BTBD9: variants seen among roughly 807,000 people sequenced by gnomAD.
BTBD9 encodes BTB domain containing 9, also known as BTB/POZ domain-containing protein 9.
In BTBD9, 49 loss-of-function variants were observed where a neutral mutation model predicts 64.3. That is an observed-to-expected ratio of 0.76 (90% CI 0.61 to 0.97). The LOEUF is 0.97. BTBD9 is among the 50% of genes least tolerant of loss of function. BTBD9 has a pLI of 0.00. For missense variants in BTBD9, 598 were observed against 762.1 expected, an observed-to-expected ratio of 0.78 and a Z score of 2.53; for synonymous variants, 260 against 274.7, an observed-to-expected ratio of 0.95 and a Z score of 0.53.
chr6:38,224,643 T>C (rs957359224), intron 9 of BTBD9, among the ~76,000 whole-genome samples: 3 of 152,306 alleles, frequency 2.0e-5, no homozygotes, highest in East Asian at 3.9e-4. Flanking sequence ...AAAAAACTTG[T>C]GTAAGACCAA....
chr6:38,368,562 T>C (rs990266764), intron 6 of BTBD9, among the ~76,000 whole-genome samples: 5 of 152,126 alleles, frequency 3.3e-5, no homozygotes, highest in Admixed American at 2.0e-4. Flanking sequence ...CTCAAACTCC[T>C]GACCTCATGA....
At chr6:38,262,074 T>C (rs1289249617) in intron 8 of BTBD9, among the ~76,000 whole-genome samples, 2 of 152,238 alleles carry the variant, frequency 1.3e-5, no homozygotes, top group African/African-American at 4.8e-5. Context: ...GCTCTACCAA[T>C]TCCCTTCACT....
intron 7 of BTBD9, among the ~76,000 whole-genome samples, chr6:38,329,075 C>A (rs1763572866): frequency 6.7e-6 from 1 of 148,238 alleles, no homozygotes; most frequent in African/African-American, 2.5e-5. Context: ...ATTTTATATT[C>A]TATTATGGTT....
chr6:38,495,847 A>G (rs1381613394), intron 6 of BTBD9, among the ~76,000 whole-genome samples: 28 of 152,196 alleles, frequency 1.8e-4, no homozygotes, highest in Admixed American at 1.8e-3. Context: ...ATGCTCATGA[A>G]TAAGAATGTC....
At chr6:38,281,149 A>G (rs1483609119) in intron 8 of BTBD9, among the ~76,000 whole-genome samples, 1 of 152,184 alleles carries the variant, frequency 6.6e-6, no homozygotes, top group Admixed American at 6.5e-5. Flanking sequence ...ATTAAGTAGG[A>G]AAAAAATGGC....
At chr6:38,491,658 T>A (rs1340828434) in intron 6 of BTBD9, among the ~76,000 whole-genome samples, 1 of 152,036 alleles carries the variant, frequency 6.6e-6, no homozygotes, top group Non-Finnish European at 1.5e-5. Context: ...CTTTAAAAAA[T>A]TAGCCTATTA....
intron 6 of BTBD9, among the ~76,000 whole-genome samples, chr6:38,531,371 T>C (rs1562304485): frequency 6.6e-6 from 1 of 151,972 alleles, no homozygotes; most frequent in Non-Finnish European, 1.5e-5. Context: ...GAAGGAGAAA[T>C]AAAGACATTC....
At chr6:38,248,257 C>A (rs1204805564) in intron 9 of BTBD9, among the ~76,000 whole-genome samples, 1 of 152,114 alleles carries the variant, frequency 6.6e-6, no homozygotes, top group African/African-American at 2.4e-5. Context: ...GATGATAAAT[C>A]TGGCAGGAAA....
chr6:38,453,106 G>A (rs959735749), intron 6 of BTBD9, among the ~76,000 whole-genome samples: 9 of 152,128 alleles, frequency 5.9e-5, no homozygotes, highest in Non-Finnish European at 1.3e-4. Flanking sequence ...ACAGACAATA[G>A]TTTGAGTGAA....
chr6:38,433,914 G>A (rs187206813), intron 6 of BTBD9, among the ~76,000 whole-genome samples: 4 of 151,950 alleles, frequency 2.6e-5, no homozygotes, highest in South Asian at 2.1e-4. Context: ...GCACTCAATC[G>A]CTATTTGCTG....
Position 38,192,561 on chromosome 6 carries a change from G to A in BTBD9, c.1599C>T (p.Ala533=), listed in dbSNP as rs1721457481. ...GTGTCCCAACGATACGGATGAAGGA[G>A]GCAGGCTGCCTTTCAAAAGTTACTG... ...WQSVTFERQP[A]SFIRIVGTHN... is the part of the protein sequence containing the mutation. Residue 533 remains alanine (A), a synonymous_variant, in exon 10 of 11, where the codon GCC becomes GCT. Coordinates refer to ENST00000481247, the MANE Select transcript of BTBD9 (RefSeq NM_001099272.2). 19 of 1,613,974 alleles carry A rather than the reference G, an allele frequency of 1.2e-5. No individual in the cohort carries two copies. The highest frequency in any genetic ancestry group is 6.7e-5 in the African/African-American group (5 of 75,034).
At chr6:38,298,440 A>C (rs1471054581) in intron 7 of BTBD9, among the ~76,000 whole-genome samples, 1 of 152,168 alleles carries the variant, frequency 6.6e-6, no homozygotes, top group Non-Finnish European at 1.5e-5. Context: ...ACATGCATAG[A>C]ATGTACAATG....
intron 9 of BTBD9, among the ~76,000 whole-genome samples, chr6:38,207,681 GA>G (rs200585384): frequency 2.1e-4 from 31 of 146,700 alleles, no homozygotes; most frequent in East Asian, 5.9e-4. Context: ...GACCTTGAAG[GA>G]AAAAAAAAAG....
At chr6:38,443,601 A>T (rs1050486851) in intron 6 of BTBD9, among the ~76,000 whole-genome samples, 2 of 152,274 alleles carry the variant, frequency 1.3e-5, no homozygotes, top group Non-Finnish European at 2.9e-5. Flanking sequence ...TCAAGCCAGA[A>T]ATCAGGAAGT....
At chr6:38,576,053 T>C (rs1251953278) in intron 6 of BTBD9, among the ~76,000 whole-genome samples, 1 of 152,240 alleles carries the variant, frequency 6.6e-6, no homozygotes, top group African/African-American at 2.4e-5. Context: ...ATGGCTGGTA[T>C]TATTATATTC....
At position 38,592,844 on chromosome 6, in the gene BTBD9, A is replaced by T; in HGVS notation, c.550-4T>A. ...ACACGATGTTTAAAAGTGCTGTCTG[A>T]AAAGGATAAAAAGGTAAAATTCCAG... On this transcript the variant is annotated splice_region_variant and splice_polypyrimidine_tract_variant and intron_variant, in intron 3 of 10. Transcript: ENST00000481247. 1.2e-6 allele frequency: 2 copies of T among 1,612,482 alleles called. No individual in the cohort carries two copies. The highest frequency in any genetic ancestry group is 1.7e-6 in the Non-Finnish European group (2 of 1,178,838).
chr6:38,268,962 T>C (rs1765111691), intron 8 of BTBD9, among the ~76,000 whole-genome samples: 1 of 152,318 alleles, frequency 6.6e-6, no homozygotes, highest in East Asian at 1.9e-4. Context: ...TGGAATTTCC[T>C]CCCTGTTAGT....
intron 6 of BTBD9, among the ~76,000 whole-genome samples, chr6:38,362,911 C>T (rs1239649775): frequency 6.6e-6 from 1 of 152,012 alleles, no homozygotes; most frequent in African/African-American, 2.4e-5. Context: ...TGCAATCTGG[C>T]TTTCACTCAT....
rs148455158 is a variant in BTBD9 at position 38,553,839 on chromosome 6, C to T, written c.1154+23761G>A. Among the ~76,000 whole-genome samples, 444 of 150,574 alleles carry T rather than the reference C, an allele frequency of 2.9e-3. 2 individuals carry two copies. Among genetic ancestry groups the T allele is most frequent in the African/African-American group, 0.01 (422 of 40,892 alleles). On this transcript the variant is annotated intron_variant, in intron 6 of 10. Transcript: ENST00000481247. ...CTGCACTCCAGTCTGGGTGACAGAGCGAAACCTTGTCCCTTAAAAAAAAAA... is the reference window on the plus strand; with the variant it reads ...CTGCACTCCAGTCTGGGTGACAGAGTGAAACCTTGTCCCTTAAAAAAAAAA...
Sources: gnomAD v4.1 joint callset for allele counts (sites outside exome capture counted in the v4.1 genomes callset) on GRCh38, gnomAD v4.1.1 for gene constraint, MANE v1.5 for transcripts, NCBI Gene and HGNC (gene_info 2026-07-23, HGNC 2026-07-21) for gene names.